CENPP: variants seen among roughly 807,000 people sequenced by gnomAD.
CENPP encodes centromere protein P.
In CENPP, 24 loss-of-function variants were observed where a neutral mutation model predicts 35.6. The ratio of observed to expected loss-of-function variants is 0.67; its 90% CI spans 0.49 to 0.95. The LOEUF is 0.95. Among genes scored for constraint, CENPP ranks in the 40% least tolerant of loss-of-function variants. CENPP has a pLI of 0.00. For synonymous variants in CENPP, 120 were observed against 125.5 expected (o/e 0.96, Z 0.29); for missense variants, 332 against 345.3 (o/e 0.96, Z 0.31).
chr9:92,416,893 G>C, intron 5 of CENPP: 1 of 1,613,990 alleles, frequency 6.2e-7, no homozygotes, highest in Non-Finnish European at 8.5e-7. Context: ...ATTCTAATCT[G>C]TTACTGCAGA....
chr9:92,336,613 T>C (rs973731827), intron 2 of CENPP, among the ~76,000 whole-genome samples: 3 of 152,164 alleles, frequency 2.0e-5, no homozygotes, highest in Non-Finnish European at 2.9e-5. Flanking sequence ...AGTAACGTCA[T>C]TAGCAAAACT....
At chr9:92,415,796 CTT>C (rs1045340802) in intron 5 of CENPP, among the ~76,000 whole-genome samples, 6 of 146,996 alleles carry the variant, frequency 4.1e-5, no homozygotes, top group Non-Finnish European at 7.5e-5. Context: ...TTATTTCTCT[CTT>C]TTATATATAT....
intron 3 of CENPP, among the ~76,000 whole-genome samples, chr9:92,344,284 T>C (rs1251510253): frequency 1.3e-5 from 2 of 152,302 alleles, no homozygotes; most frequent in East Asian, 3.9e-4. Flanking sequence ...ACAAAAAATT[T>C]GTTTTTGCCT....
intron 5 of CENPP, among the ~76,000 whole-genome samples, chr9:92,521,364 A>G (rs1248557626): frequency 6.6e-6 from 1 of 152,178 alleles, no homozygotes; most frequent in Non-Finnish European, 1.5e-5. Context: ...AGCAGTTATG[A>G]GTACATTATT....
intron 5 of CENPP, among the ~76,000 whole-genome samples, chr9:92,603,404 C>A (rs1305796196): frequency 6.6e-6 from 1 of 152,256 alleles, no homozygotes; most frequent in Non-Finnish European, 1.5e-5. Context: ...AGTGCTCCTG[C>A]TGTAGGCATT....
At chr9:92,475,904 C>T (rs532986769) in intron 5 of CENPP, among the ~76,000 whole-genome samples, 411 of 152,270 alleles carry the variant, frequency 2.7e-3, no homozygotes, top group Non-Finnish European at 4.6e-3. Flanking sequence ...CAAAACAGAA[C>T]TATACAAATG....
chr9:92,403,420 CA>C, intron 5 of CENPP: 1 of 1,591,362 alleles, frequency 6.3e-7, no homozygotes. Flanking sequence ...TAGCAAAAAT[CA>C]AGGTGACTGG....
chr9:92,405,722 A>C (rs919033160), intron 5 of CENPP, among the ~76,000 whole-genome samples: 5 of 152,254 alleles, frequency 3.3e-5, no homozygotes, highest in Non-Finnish European at 7.3e-5. Flanking sequence ...CCAAATTTAG[A>C]GAATCTTAGA....
intron 5 of CENPP, among the ~76,000 whole-genome samples, chr9:92,446,301 A>G (rs1489782816): frequency 6.6e-6 from 1 of 152,186 alleles, no homozygotes; most frequent in African/African-American, 2.4e-5. Flanking sequence ...TCCAAGAGAG[A>G]TATAACTGCT....
intron 5 of CENPP, among the ~76,000 whole-genome samples, chr9:92,481,917 G>A (rs1203173905): frequency 6.6e-6 from 1 of 151,704 alleles, no homozygotes; most frequent in African/African-American, 2.4e-5. Flanking sequence ...ATATAGCTGT[G>A]ATATCCCCAA....
rs146514606 is a variant in CENPP, at chr9:92,588,817, A to G, written c.565-22497A>G. Among the ~76,000 whole-genome samples the G allele has an allele frequency of 1.9e-3, 286 of 152,304 alleles. 1 individual carries two copies. The highest frequency in any genetic ancestry group is 6.5e-3 in the African/African-American group (272 of 41,572). ...GGGTGCTTTCCTGGAAGAAGCTCCAATATTGGGCCCCAGAGTTAGGGTTGT... is the reference window on the plus strand; with the variant it reads ...GGGTGCTTTCCTGGAAGAAGCTCCAGTATTGGGCCCCAGAGTTAGGGTTGT... On this transcript the variant is annotated intron_variant, in intron 5 of 7. Transcript: ENST00000375587.
At chr9:92,507,299 ACTG>A (rs1847065056) in intron 5 of CENPP, among the ~76,000 whole-genome samples, 2 of 152,256 alleles carry the variant, frequency 1.3e-5, no homozygotes, top group East Asian at 3.8e-4. Context: ...AACTAAAGGT[ACTG>A]AGAATCTGAC....
intron 5 of CENPP, chr9:92,403,309 A>G (rs910599655): frequency 6.2e-7 from 1 of 1,612,594 alleles, no homozygotes; most frequent in Admixed American, 1.7e-5. Flanking sequence ...TATCTGTTCC[A>G]TAATCATAGA....
intron 5 of CENPP, among the ~76,000 whole-genome samples, chr9:92,446,831 A>T (rs1844564133): frequency 1.3e-5 from 2 of 149,722 alleles, no homozygotes; most frequent in Admixed American, 6.7e-5. Flanking sequence ...AAAAAAATAG[A>T]AAAGAAAAGA....
intron 5 of CENPP, chr9:92,514,539 T>C (rs1482055089): frequency 6.8e-7 from 1 of 1,465,990 alleles, no homozygotes. Flanking sequence ...CCTTTCAAAG[T>C]GCTGAGATTA....
At chr9:92,612,687 G>A (rs1375064172) in intron 7 of CENPP, 73 bp downstream of exon 7, 1 of 1,051,756 alleles carries the variant, frequency 9.5e-7, no homozygotes, top group Non-Finnish European at 1.5e-6. Context: ...TGTTTCCTCT[G>A]GGTTTCAAAG....
chr9:92,399,250 A>G (rs964599434), intron 5 of CENPP, among the ~76,000 whole-genome samples: 5 of 152,126 alleles, frequency 3.3e-5, no homozygotes, highest in South Asian at 2.1e-4. Flanking sequence ...ATTTTTTTCA[A>G]TCAGATAGGT....
At chr9:92,393,281 C>T (rs2274966) in intron 5 of CENPP, 12 of 1,524,030 alleles carry the variant, frequency 7.9e-6, no homozygotes, top group East Asian at 4.6e-5. Context: ...TATGAACAAT[C>T]GTTTGAAAAT....
rs77720565 is a variant in CENPP, at chr9:92,619,008, G to A, written c.*5859G>A. On this transcript the variant is annotated 3_prime_UTR_variant, in exon 8 of 8. Transcript: ENST00000375587. ...AACTAGTGACATTAGGGAGAGGGGCGGCACATAGGCTGGTTATTCAGAAGA... is the reference window on the plus strand; with the variant it reads ...AACTAGTGACATTAGGGAGAGGGGCAGCACATAGGCTGGTTATTCAGAAGA... The A allele has an allele frequency of 6.9e-4, 164 of 238,818 alleles. 1 individual carries two copies. Among genetic ancestry groups the A allele is most frequent in the East Asian group, 4.8e-3 (47 of 9,752 alleles). The allele number at this position is 238,818 out of a possible 1,614,324, so 14.8% of individuals were successfully genotyped here.
Sources: gnomAD v4.1 joint callset for allele counts (sites outside exome capture counted in the v4.1 genomes callset) on GRCh38, gnomAD v4.1.1 for gene constraint, MANE v1.5 for transcripts, NCBI Gene and HGNC (gene_info 2026-07-23, HGNC 2026-07-21) for gene names.